MYH13: variants seen among roughly 807,000 people sequenced by gnomAD.
MYH13 encodes myosin heavy chain 13, also known as myosin-13.
A neutral mutation model predicts 232.1 loss-of-function variants in MYH13; 177 were observed. The observed-to-expected ratio is 0.76, with a 90% CI of 0.67 to 0.86. The LOEUF (loss-of-function observed/expected upper bound fraction) is 0.86. Among genes scored for constraint, MYH13 ranks in the 40% least tolerant of loss-of-function variants. The pLI is 0.00. For missense variants in MYH13, 2,246 were observed against 2,405.9 expected (o/e 0.93, Z 1.39); for synonymous variants, 884 against 923.5 (o/e 0.96, Z 0.78).
At chr17:10,316,798 TTG>T (rs1906730695) in intron 27 of MYH13, among the ~76,000 whole-genome samples, 2 of 152,152 alleles carry the variant, frequency 1.3e-5, no homozygotes, top group South Asian at 4.2e-4. Context: ...TTCAAAACCC[TTG>T]TGTGTGTTGA....
At chr17:10,344,415 G>A (rs2071644579) in intron 15 of MYH13, among the ~76,000 whole-genome samples, 2 of 152,194 alleles carry the variant, frequency 1.3e-5, no homozygotes, top group Non-Finnish European at 2.9e-5. Context: ...ATAAAGTAAT[G>A]TGAGTAATAT....
chr17:10,335,881 A>G (rs1337864550), intron 18 of MYH13, among the ~76,000 whole-genome samples: 1 of 152,194 alleles, frequency 6.6e-6, no homozygotes, highest in Non-Finnish European at 1.5e-5. Flanking sequence ...AGCAGAGAGA[A>G]AAAGGCATAG....
In MYH13 at chr17:10,353,931, AGAAGGAAG is replaced by A. The variant is rs10587803; in HGVS notation, c.1005+741_1005+748del. Among the ~76,000 whole-genome samples the A allele has an allele frequency of 6.1e-3, 890 of 146,148 alleles. 9 individuals carry two copies. Among genetic ancestry groups the A allele is most frequent in the African/African-American group, 0.015 (608 of 39,546 alleles). On this transcript the variant is annotated intron_variant, in intron 11 of 40. Coordinates refer to ENST00000252172, the MANE Select transcript of MYH13 (RefSeq NM_003802.3). The stretch of plus-strand genomic sequence containing the variant: ...AAGGAGAGAGAGAGGAAGGAAGGAA[AGAAGGAAG>A]GAAGGAAGGAAGGAAGGAAGGAAGG...
Position 10,318,652 on chromosome 17 carries a change from T to G in MYH13, c.3738+138A>C, listed in dbSNP as rs1268865632. The G allele has an allele frequency of 5.1e-6, 6 of 1,167,878 alleles. No homozygotes were observed. The South Asian group carries it at 9.4e-5, about 18-fold the overall frequency. The allele number at this position is 1,167,878 out of a possible 1,614,324, so 72.3% of individuals were successfully genotyped here. A position where few individuals can be genotyped will look rare whatever the true frequency, so the allele number is the denominator to read the frequency against. ...AAGGACGTGAGTAAATTTGAGGAAC[T>G]AGAAACAGGCAGAAATAGGGAAGAG... On this transcript the variant is annotated intron_variant, in intron 27 of 40. Transcript: ENST00000252172.
At chr17:10,303,871 C>A (rs1440982652) in intron 37 of MYH13, among the ~76,000 whole-genome samples, 1 of 152,150 alleles carries the variant, frequency 6.6e-6, no homozygotes, top group Non-Finnish European at 1.5e-5. Context: ...GGAACCAACC[C>A]AAATGCCCAT....
intron 8 of MYH13, among the ~76,000 whole-genome samples, chr17:10,356,643 A>T (rs773651604): frequency 2.6e-5 from 4 of 152,226 alleles, no homozygotes; most frequent in Admixed American, 6.5e-5. Context: ...AACAAAAGTC[A>T]AGGCTCAGAG....
chr17:10,306,938 C>T lies in MYH13; in HGVS notation c.5295+1G>A. On this transcript the variant is annotated splice_donor_variant, in intron 36 of 40. Transcript: ENST00000252172. LOFTEE classifies it high-confidence loss of function. The surrounding 1 kb of genome is among the most constrained non-coding windows in gnomAD (Gnocchi z 4.3). ...CTCTGAAAAGGAAGAACAGAGCTCA[C>T]ATCCGTGATGGCCTTCTTGGCCTTC... 6.2e-7 allele frequency: 1 copy of T among 1,613,436 alleles called. No homozygotes were observed. The highest frequency in any genetic ancestry group is 1.1e-5 in the South Asian group (1 of 91,058).
intron 25 of MYH13, 26 bp from the exon 26 acceptor site, chr17:10,320,269 A>G (rs2074875): frequency 0.12 from 197,572 of 1,597,280 alleles, 16,534 homozygotes; most frequent in East Asian, 0.4. Context: ...AAAAAAATAA[A>G]GAACATGAAA....
intron 23 of MYH13, among the ~76,000 whole-genome samples, chr17:10,322,101 A>G (rs566069897): frequency 5.7e-4 from 87 of 152,306 alleles, no homozygotes; most frequent in African/African-American, 2.0e-3. Flanking sequence ...GTCCTACGCA[A>G]GAAAATTCAC....
Position 10,320,152 on chromosome 17 carries a change from C to G in MYH13, c.3348+1G>C, listed in dbSNP as rs374715868. ...GATTGGGAAGGTTTTGATGCTTTTA[C>G]TTGCAGTTCTTTAATCTTCTTTTGA... On this transcript the variant is annotated splice_donor_variant, in intron 26 of 40. Transcript: ENST00000252172. LOFTEE classifies it high-confidence loss of function. The G allele has an allele frequency of 6.3e-7, 1 of 1,576,594 alleles. No homozygotes were observed. The highest frequency in any genetic ancestry group is 8.6e-7 in the Non-Finnish European group (1 of 1,159,294).
rs553258860 is a variant in MYH13, at chr17:10,358,036, G to C, written c.646-209C>G. The stretch of plus-strand genomic sequence containing the variant: ...TCTTAGACAGGTTCTTATTAGCATA[G>C]CATTGAAGTGACTTCTGGTCATGCC... On this transcript the variant is annotated intron_variant, in intron 7 of 40. Coordinates refer to ENST00000252172, the MANE Select transcript of MYH13 (RefSeq NM_003802.3). 3.3e-4 allele frequency among the ~76,000 whole-genome samples: 50 copies of C among 151,912 alleles called. No homozygotes were observed. In the South Asian group the frequency reaches 6.7e-3, roughly 20 times the overall value.
At chr17:10,372,308 T>G (rs2071883037) in intron 1 of MYH13, among the ~76,000 whole-genome samples, 1 of 152,208 alleles carries the variant, frequency 6.6e-6, no homozygotes, top group Admixed American at 6.5e-5. Flanking sequence ...ATGAATCAGA[T>G]GCACCAGAAA....
At chr17:10,302,545 C>T (rs1906130117) in intron 39 of MYH13, among the ~76,000 whole-genome samples, 1 of 152,112 alleles carries the variant, frequency 6.6e-6, no homozygotes, top group South Asian at 2.1e-4. Context: ...TCAGATTTTC[C>T]CAAACGATCT....
intron 1 of MYH13, among the ~76,000 whole-genome samples, chr17:10,372,634 A>G (rs1387808903): frequency 6.6e-6 from 1 of 152,214 alleles, no homozygotes. Flanking sequence ...CAATCACAGA[A>G]GAGATACCAC....
chr17:10,323,043 T>G (rs1221262451), intron 23 of MYH13, among the ~76,000 whole-genome samples: 2 of 152,164 alleles, frequency 1.3e-5, no homozygotes, highest in Non-Finnish European at 2.9e-5. Context: ...CTGTGTTATC[T>G]ACTACATTTT....
chr17:10,337,008 C>G (rs1405240508), intron 18 of MYH13, among the ~76,000 whole-genome samples: 2 of 151,886 alleles, frequency 1.3e-5, no homozygotes, highest in Admixed American at 6.6e-5. Flanking sequence ...CCCACCGCCT[C>G]CTGGGTACAA....
intron 16 of MYH13, among the ~76,000 whole-genome samples, chr17:10,342,833 A>G (rs920959810): frequency 8.6e-5 from 13 of 151,954 alleles, no homozygotes; most frequent in African/African-American, 2.4e-4. Context: ...GCTCGTGCCT[A>G]TAATCCCAGC....
intron 13 of MYH13, among the ~76,000 whole-genome samples, chr17:10,346,391 G>A (rs1265673794): frequency 6.6e-6 from 1 of 152,180 alleles, no homozygotes. Context: ...TGCCTAGCAA[G>A]GACACAACAG....
intron 2 of MYH13, among the ~76,000 whole-genome samples, chr17:10,365,107 T>G (rs928603607): frequency 4.6e-5 from 7 of 152,228 alleles, no homozygotes; most frequent in Admixed American, 4.6e-4. Flanking sequence ...ACTCCTGACC[T>G]CAGGTAATCT....
Sources: gnomAD v4.1 joint callset for allele counts (sites outside exome capture counted in the v4.1 genomes callset) on GRCh38, gnomAD v4.1.1 for gene constraint, Gnocchi (gnomAD v3.1) non-coding constraint, MANE v1.5 for transcripts, NCBI Gene and HGNC (gene_info 2026-07-23, HGNC 2026-07-21) for gene names.